Variants in NAALADL2 observed in about 807,000 individuals in gnomAD.
The protein encoded by NAALADL2 is N-acetylated alpha-linked acidic dipeptidase like 2.
NAALADL2 carries 76 observed loss-of-function variants against 87.2 expected under a neutral mutation model. The ratio of observed to expected loss-of-function variants is 0.87; its 90% CI spans 0.72 to 1.05. The LOEUF (loss-of-function observed/expected upper bound fraction) is 1.05, where lower values mean the gene tolerates loss of function less well. Ranked by LOEUF, NAALADL2 falls within the 50% of genes least tolerant of loss-of-function variation. The pLI is 0.00. For missense variants in NAALADL2, 1,089 were observed against 945.8 expected (o/e 1.15, Z -1.99); for synonymous variants, 354 against 331.0 (o/e 1.07, Z -0.75).
At chr3:175,637,174 G>C (rs553247269) in intron 11 of NAALADL2, among the ~76,000 whole-genome samples, 4 of 152,304 alleles carry the variant, frequency 2.6e-5, no homozygotes, top group Non-Finnish European at 5.9e-5. Flanking sequence ...CAGCTTTGCT[G>C]TCTGCATTTA....
At position 175,784,475 on chromosome 3, in the gene NAALADL2, T is replaced by C. The variant is rs1576817543; in HGVS notation, c.2190-18530T>C. On this transcript the variant is annotated intron_variant, in intron 13 of 13. Transcript: ENST00000454872. Reference sequence around the variant, plus strand: ...GAATTTATCCATTTCTTCTAGATTTTCTAGTTTATTTGCATAGAGGTGTTT... The same window carrying C: ...GAATTTATCCATTTCTTCTAGATTTCCTAGTTTATTTGCATAGAGGTGTTT... Among the ~76,000 whole-genome samples, 8 of 138,390 alleles carry C rather than the reference T, an allele frequency of 5.8e-5. No individual in the cohort carries two copies. The South Asian group carries it at 1.6e-3, about 27-fold the overall frequency. The allele number at this position is 138,390 out of a possible 152,430, so 90.8% of individuals were successfully genotyped here. A position where few individuals can be genotyped will look rare whatever the true frequency, so the allele number is the denominator to read the frequency against.
chr3:175,625,669 A>G (rs1046067712), intron 10 of NAALADL2, among the ~76,000 whole-genome samples: 2 of 151,932 alleles, frequency 1.3e-5, no homozygotes, highest in Non-Finnish European at 2.9e-5. Context: ...ATGATATAGG[A>G]ATGAAAGTGT....
chr3:175,439,224 C>T (rs952200856), intron 5 of NAALADL2, among the ~76,000 whole-genome samples: 1 of 152,046 alleles, frequency 6.6e-6, no homozygotes, highest in Admixed American at 6.6e-5. Context: ...TATACACATA[C>T]CATATTTCCT....
At chr3:175,599,633 T>G (rs1722690713) in intron 10 of NAALADL2, among the ~76,000 whole-genome samples, 1 of 152,160 alleles carries the variant, frequency 6.6e-6, no homozygotes, top group African/African-American at 2.4e-5. Context: ...CTCACTGTAG[T>G]TTCTTTTTTC....
rs572582046 is a variant in NAALADL2 at position 174,696,967 on chromosome 3, C to A, written c.-114-40674C>A. ...GGTTTTAAGCAGAACAAGAACAAGG[C>A]AAATCTTCTAATCAAGTAGACTCAT... On this transcript the variant is annotated intron_variant, in intron 2 of 3. Coordinates refer to the NAALADL2 transcript ENST00000434257. Among the ~76,000 whole-genome samples, 8 of 152,030 alleles carry A rather than the reference C, an allele frequency of 5.3e-5. No homozygotes were observed. In the South Asian group the frequency reaches 1.5e-3, roughly 28 times the overall value.
chr3:174,571,214 C>T (rs1714875005), intron 2 of NAALADL2, among the ~76,000 whole-genome samples: 3 of 152,064 alleles, frequency 2.0e-5, no homozygotes, highest in Non-Finnish European at 4.4e-5. Context: ...AGTGAAACAA[C>T]TTGTTAATAT....
intron 5 of NAALADL2, among the ~76,000 whole-genome samples, chr3:175,403,515 G>A (rs1029834731): frequency 6.6e-6 from 1 of 151,986 alleles, no homozygotes; most frequent in Admixed American, 6.6e-5. Context: ...GCTCAGTAAA[G>A]GAATATCGTA....
At chr3:175,332,329 A>G (rs1761497722) in intron 5 of NAALADL2, among the ~76,000 whole-genome samples, 1 of 152,220 alleles carries the variant, frequency 6.6e-6, no homozygotes, top group African/African-American at 2.4e-5. Flanking sequence ...AGTATATTAC[A>G]AGCATATAGT....
chr3:175,516,344 G>T (rs1362213155), intron 9 of NAALADL2, among the ~76,000 whole-genome samples: 1 of 152,152 alleles, frequency 6.6e-6, no homozygotes, highest in Non-Finnish European at 1.5e-5. Flanking sequence ...CAAGGAGAAG[G>T]TATTGTCTTA....
rs927078755 is a variant in NAALADL2, at chr3:174,585,662, G to GT, written c.-115+35035dup. The stretch of plus-strand genomic sequence containing the variant: ...GTGGAATCAAAAGATAGTTTTTTTT[G>GT]TTTTTTTTTTACTTAAAGAATGACA... On this transcript the variant is annotated intron_variant, in intron 2 of 3. Transcript: ENST00000434257. Among the ~76,000 whole-genome samples the GT allele has an allele frequency of 9.2e-3, 1,314 of 142,164 alleles. 15 individuals are homozygous for GT. The highest frequency in any genetic ancestry group is 0.03 in the African/African-American group (1,182 of 39,012). The allele number at this position is 142,164 out of a possible 152,430, so 93.3% of individuals were successfully genotyped here. A position where few individuals can be genotyped will look rare whatever the true frequency, so the allele number is the denominator to read the frequency against.
In NAALADL2 at chr3:175,793,311, T is replaced by C. The variant is rs570879789; in HGVS notation, c.2190-9694T>C. On this transcript the variant is annotated intron_variant, in intron 13 of 13. Coordinates refer to ENST00000454872, the MANE Select transcript of NAALADL2 (RefSeq NM_207015.3). ...TAACAAAACAGCATTTTCTTTCTTTTTTTTTTTTTTTTTTCGAGACGGAGT... is the reference window on the plus strand; with the variant it reads ...TAACAAAACAGCATTTTCTTTCTTTCTTTTTTTTTTTTTTCGAGACGGAGT... 6.3e-3 allele frequency among the ~76,000 whole-genome samples: 932 copies of C among 147,794 alleles called. 3 individuals are homozygous for C. Among genetic ancestry groups the C allele is most frequent in the Non-Finnish European group, 0.011 (719 of 67,006 alleles).
chr3:175,177,235 C>T (rs1243678587), intron 2 of NAALADL2, among the ~76,000 whole-genome samples: 1 of 152,018 alleles, frequency 6.6e-6, no homozygotes, highest in African/African-American at 2.4e-5. Context: ...TGTCCCCTAC[C>T]CCATCATCAT....
chr3:175,049,721 T>A (rs1037335672), intron 1 of NAALADL2, among the ~76,000 whole-genome samples: 6 of 152,288 alleles, frequency 3.9e-5, no homozygotes, highest in East Asian at 3.9e-4. Context: ...CTGTACCTCA[T>A]TAACCAGAAT....
At chr3:174,753,293 C>A (rs369890639) in intron 3 of NAALADL2, among the ~76,000 whole-genome samples, 2 of 152,300 alleles carry the variant, frequency 1.3e-5, no homozygotes, top group East Asian at 3.9e-4. Flanking sequence ...CCTGGCTGGT[C>A]TCAATCCTCT....
At chr3:174,864,687 A>T (rs2109560635) in intron 1 of NAALADL2, among the ~76,000 whole-genome samples, 1 of 152,178 alleles carries the variant, frequency 6.6e-6, no homozygotes, top group South Asian at 2.1e-4. Context: ...TGCAGTAATA[A>T]TCTTAAGATT....
rs201895078 is a variant in NAALADL2, at chr3:175,212,311, GTTAA to G, written c.546-21614_546-21611del. Among the ~76,000 whole-genome samples the G allele has an allele frequency of 4.1e-3, 625 of 151,102 alleles. 2 individuals are homozygous for G. The highest frequency in any genetic ancestry group is 0.015 in the African/African-American group (598 of 40,998). ...CTCACAATCACATTACTATATAAGA[GTTAA>G]TTAATCAAGTCATAGTAAGGTAAAA... On this transcript the variant is annotated intron_variant, in intron 2 of 13. Coordinates refer to ENST00000454872, the MANE Select transcript of NAALADL2 (RefSeq NM_207015.3).
intron 1 of NAALADL2, among the ~76,000 whole-genome samples, chr3:174,479,474 G>T (rs1330070356): frequency 6.6e-6 from 1 of 151,982 alleles, no homozygotes; most frequent in Non-Finnish European, 1.5e-5. Context: ...TCAGAATTTG[G>T]CCAGGCAGTT....
chr3:175,757,981 G>A (rs895403708), intron 13 of NAALADL2, among the ~76,000 whole-genome samples: 11 of 152,074 alleles, frequency 7.2e-5, no homozygotes, highest in Admixed American at 2.6e-4. Context: ...AATATAGTAA[G>A]CTTTCCCCAT....
chr3:175,342,473 G>GAA (rs1762661492), intron 5 of NAALADL2, among the ~76,000 whole-genome samples: 4 of 151,532 alleles, frequency 2.6e-5, no homozygotes, highest in Non-Finnish European at 5.9e-5. Flanking sequence ...GTGTTAAGCT[G>GAA]ATTACTCCCT....
Sources: gnomAD v4.1 joint callset for allele counts (sites outside exome capture counted in the v4.1 genomes callset) on GRCh38, gnomAD v4.1.1 for gene constraint, MANE v1.5 for transcripts, NCBI Gene and HGNC (gene_info 2026-07-23, HGNC 2026-07-21) for gene names.